Variants in DIAPH3 observed in about 807,000 individuals in gnomAD.
DIAPH3 encodes diaphanous related formin 3, also known as protein diaphanous homolog 3.
A neutral mutation model predicts 144.3 loss-of-function variants in DIAPH3; 117 were observed. The ratio of observed to expected loss-of-function variants is 0.81; its 90% CI spans 0.70 to 0.95. The LOEUF (loss-of-function observed/expected upper bound fraction) is 0.95. Ranked by LOEUF, DIAPH3 falls within the 40% of genes least tolerant of loss-of-function variation. DIAPH3 has a pLI of 0.00. For missense variants in DIAPH3, 1,421 were observed against 1,412.7 expected (o/e 1.01, Z -0.09); for synonymous variants, 519 against 488.9 (o/e 1.06, Z -0.81).
At chr13:60,011,244 T>C (rs766538781) in intron 7 of DIAPH3, among the ~76,000 whole-genome samples, 5 of 152,010 alleles carry the variant, frequency 3.3e-5, no homozygotes, top group African/African-American at 7.3e-5. Context: ...AGTAGCCAAA[T>C]TGAGAAAGTG....
At chr13:59,808,150 G>C (rs2040289294) in intron 25 of DIAPH3, among the ~76,000 whole-genome samples, 1 of 150,918 alleles carries the variant, frequency 6.6e-6, no homozygotes, top group African/African-American at 2.4e-5. Context: ...AAATCACAAA[G>C]GCAAATATTA....
chr13:59,892,986 T>A (rs921547356), intron 20 of DIAPH3, among the ~76,000 whole-genome samples: 4 of 152,048 alleles, frequency 2.6e-5, no homozygotes, highest in Non-Finnish European at 5.9e-5. Flanking sequence ...AAAGTAAGTT[T>A]CAGAAACCAT....
In DIAPH3 at chr13:60,163,575, G is replaced by T; in HGVS notation, c.180+12C>A. 1.9e-6 allele frequency: 3 copies of T among 1,578,230 alleles called. No homozygotes were observed. Among genetic ancestry groups the T allele is most frequent in the Non-Finnish European group, 2.6e-6 (3 of 1,158,416 alleles). On this transcript the variant is annotated intron_variant, in intron 1 of 27. Coordinates refer to ENST00000400324, the MANE Select transcript of DIAPH3 (RefSeq NM_001042517.2). ...CGGGAGCGGCCCCACCCTAGCTCCA[G>T]GCGATACTCACAAACTTGGGGCGCT... is the stretch of plus-strand genomic sequence containing the variant.
At chr13:60,000,613 A>C (rs1045219175) in intron 9 of DIAPH3, among the ~76,000 whole-genome samples, 1 of 152,202 alleles carries the variant, frequency 6.6e-6, no homozygotes, top group African/African-American at 2.4e-5. Flanking sequence ...AATGAAATTA[A>C]GTAAAAGGAT....
At position 59,992,072 on chromosome 13, in the gene DIAPH3, G is replaced by A; in HGVS notation, c.1240C>T (p.Leu414Phe). The stretch of plus-strand genomic sequence containing the variant: ...GACTTCAGAACAAAAGGATATTCAA[G>A]TTCAGCTCTAATATCTTCAAGGCGA... ...SHRLEDIRAE[L>F]DEAYDVYNMV... is the part of the protein sequence containing the mutation. The change falls in exon 11 of 28, where the codon CTT becomes TTT. Residue 414 changes from leucine (L) to phenylalanine (F), a missense_variant. Transcript: ENST00000400324. 6.2e-7 allele frequency: 1 copy of A among 1,610,016 alleles called. No individual in the cohort carries two copies. The highest frequency in any genetic ancestry group is 8.5e-7 in the Non-Finnish European group (1 of 1,177,084).
At chr13:59,764,779 C>T (rs527928758) in intron 27 of DIAPH3, among the ~76,000 whole-genome samples, 1 of 152,054 alleles carries the variant, frequency 6.6e-6, no homozygotes, top group East Asian at 1.9e-4. Context: ...GGAATAGATT[C>T]TCCCACAGAG....
At chr13:60,039,417 C>T (rs1230339844) in intron 5 of DIAPH3, among the ~76,000 whole-genome samples, 2 of 151,942 alleles carry the variant, frequency 1.3e-5, no homozygotes, top group African/African-American at 2.4e-5. Context: ...GATTCTCGTG[C>T]TTCAGCTTCC....
At chr13:59,691,576 T>C (rs1055950544) in intron 27 of DIAPH3, among the ~76,000 whole-genome samples, 2 of 152,136 alleles carry the variant, frequency 1.3e-5, no homozygotes, top group Non-Finnish European at 2.9e-5. Context: ...TGTGAACATA[T>C]GATGATTAAG....
intron 1 of DIAPH3, among the ~76,000 whole-genome samples, chr13:60,141,027 A>C (rs933534843): frequency 6.6e-6 from 1 of 152,200 alleles, no homozygotes; most frequent in African/African-American, 2.4e-5. Context: ...AAAATATACG[A>C]ATCACTACAT....
intron 24 of DIAPH3, among the ~76,000 whole-genome samples, chr13:59,813,833 C>T (rs2040621433): frequency 6.8e-6 from 1 of 147,470 alleles, no homozygotes. Context: ...GTACTCCAGC[C>T]TGGCAACAGA....
intron 27 of DIAPH3, among the ~76,000 whole-genome samples, chr13:59,690,864 T>C (rs1471510470): frequency 6.6e-6 from 1 of 152,134 alleles, no homozygotes; most frequent in Non-Finnish European, 1.5e-5. Context: ...GAGGCACTCA[T>C]ATCTATCAGA....
At chr13:60,006,734 G>C (rs558260289) in intron 9 of DIAPH3, among the ~76,000 whole-genome samples, 2 of 152,128 alleles carry the variant, frequency 1.3e-5, no homozygotes, top group Non-Finnish European at 1.5e-5. Flanking sequence ...GAGGAGACTG[G>C]AAATGAGGCT....
intron 17 of DIAPH3, among the ~76,000 whole-genome samples, chr13:59,963,637 G>A (rs187388253): frequency 6.6e-6 from 1 of 151,690 alleles, no homozygotes; most frequent in Non-Finnish European, 1.5e-5. Context: ...TATGTAATGG[G>A]GGGGAGGGGA....
chr13:59,749,043 G>T (rs1297551286), intron 27 of DIAPH3, among the ~76,000 whole-genome samples: 1 of 151,538 alleles, frequency 6.6e-6, no homozygotes, highest in African/African-American at 2.4e-5. Flanking sequence ...GTGAAGCCCC[G>T]TCTCTACTGA....
At chr13:59,750,715 C>T (rs970558031) in intron 27 of DIAPH3, among the ~76,000 whole-genome samples, 1 of 152,142 alleles carries the variant, frequency 6.6e-6, no homozygotes, top group Non-Finnish European at 1.5e-5. Flanking sequence ...CCGTAGGCCA[C>T]GGTAATGCAG....
intron 17 of DIAPH3, among the ~76,000 whole-genome samples, chr13:59,933,025 C>A (rs2048096000): frequency 6.6e-6 from 1 of 152,204 alleles, no homozygotes; most frequent in East Asian, 1.9e-4. Flanking sequence ...ATGCAAAGAC[C>A]ACTGATAAAG....
intron 21 of DIAPH3, among the ~76,000 whole-genome samples, chr13:59,865,363 G>A (rs997435241): frequency 3.3e-5 from 5 of 151,964 alleles, no homozygotes; most frequent in Non-Finnish European, 7.4e-5. Flanking sequence ...TGTTAATTTT[G>A]TTGAAGATGA....
intron 17 of DIAPH3, among the ~76,000 whole-genome samples, chr13:59,943,810 T>C (rs985188751): frequency 2.6e-5 from 4 of 152,178 alleles, no homozygotes; most frequent in African/African-American, 9.6e-5. Flanking sequence ...AAAAGGATAG[T>C]AAATTTTTCA....
At chr13:59,811,736 CAAAA>C (rs59712985) in intron 24 of DIAPH3, among the ~76,000 whole-genome samples, 2 of 56,764 alleles carry the variant, frequency 3.5e-5, no homozygotes. Context: ...GACTCTGTCT[CAAAA>C]AAAAAAAAAA....
Sources: allele counts gnomAD v4.1 joint callset (sites outside exome capture counted in the v4.1 genomes callset), GRCh38; gene constraint gnomAD v4.1.1; transcripts MANE v1.5; gene names NCBI Gene and HGNC (gene_info 2026-07-23, HGNC 2026-07-21).